The following CHL1 variants were observed in gnomAD, a reference collection of about 807,000 sequenced individuals.
CHL1 encodes the protein cell adhesion molecule L1 like, also known as neural cell adhesion molecule L1-like protein.
In CHL1, 96 loss-of-function variants were observed where a neutral mutation model predicts 141.9. The observed-to-expected ratio is 0.68, with a 90% CI of 0.57 to 0.80. The LOEUF is 0.80. CHL1 is among the 30% of genes least tolerant of loss of function. The pLI is 0.00. For synonymous variants in CHL1, 613 were observed against 502.2 expected, an observed-to-expected ratio of 1.22 and a Z score of -2.95; for missense variants, 1,820 against 1,457.2, an observed-to-expected ratio of 1.25 and a Z score of -4.05.
intron 2 of CHL1, among the ~76,000 whole-genome samples, chr3:304,671 T>A (rs139018102): frequency 1.6e-4 from 24 of 152,302 alleles, no homozygotes; most frequent in African/African-American, 5.8e-4. Flanking sequence ...AACTATTTTG[T>A]TGAGTTTTTC....
At chr3:253,558 T>G (rs1020790464) in intron 2 of CHL1, among the ~76,000 whole-genome samples, 1 of 152,198 alleles carries the variant, frequency 6.6e-6, no homozygotes, top group Non-Finnish European at 1.5e-5. Flanking sequence ...TAGTTTGATT[T>G]GGGTTCCTGT....
intron 2 of CHL1, among the ~76,000 whole-genome samples, chr3:315,420 A>G (rs1424512522): frequency 6.6e-6 from 1 of 152,160 alleles, no homozygotes. Context: ...AGTAGAATGG[A>G]CAAAGACTTA....
At chr3:278,803 A>C (rs1347108347) in intron 2 of CHL1, among the ~76,000 whole-genome samples, 1 of 152,230 alleles carries the variant, frequency 6.6e-6, no homozygotes, top group Non-Finnish European at 1.5e-5. Flanking sequence ...GGCAGTCTGC[A>C]CATCTCACAC....
chr3:360,104 G>T lies in CHL1; in HGVS notation c.1166-180G>T, dbSNP rs139741160. Among the ~76,000 whole-genome samples the T allele has an allele frequency of 1.1e-4, 16 of 152,270 alleles. 1 individual carries two copies. Among genetic ancestry groups the T allele is most frequent in the African/African-American group, 3.9e-4 (16 of 41,554 alleles). On this transcript the variant is annotated intron_variant, in intron 11 of 27. Coordinates refer to ENST00000256509, the MANE Select transcript of CHL1 (RefSeq NM_006614.4). ...TGAAAGATAATTGAAAATTCACATG[G>T]ATCTGGAAAGAAAAGTCCATAGTTG...
At chr3:297,690 T>A (rs1698320186) in intron 2 of CHL1, among the ~76,000 whole-genome samples, 1 of 152,238 alleles carries the variant, frequency 6.6e-6, no homozygotes, top group African/African-American at 2.4e-5. Flanking sequence ...AAATACCATT[T>A]GGCTGCTACT....
chr3:241,258 A>G lies in CHL1; in HGVS notation c.-174-3355A>G, dbSNP rs534896640. Among the ~76,000 whole-genome samples, 24 of 152,324 alleles carry G rather than the reference A, an allele frequency of 1.6e-4. No individual in the cohort carries two copies. The South Asian group carries it at 2.7e-3, about 17-fold the overall frequency. On this transcript the variant is annotated intron_variant, in intron 1 of 27. Transcript: ENST00000256509. Reference sequence around the variant, plus strand: ...TAGAAAGGAGTCATGTCATAAAATGACATGTCTCAAAATGTCTTGTGAAGC... The same window carrying G: ...TAGAAAGGAGTCATGTCATAAAATGGCATGTCTCAAAATGTCTTGTGAAGC...
At chr3:377,739 T>C in intron 15 of CHL1, 79 bp from the exon 16 acceptor site, 1 of 1,238,114 alleles carries the variant, frequency 8.1e-7, no homozygotes, top group East Asian at 2.4e-5. Context: ...CGATAAGGAA[T>C]ATGCATTTTT....
chr3:321,090 C>T (rs1361940325), intron 3 of CHL1, among the ~76,000 whole-genome samples: 1 of 152,038 alleles, frequency 6.6e-6, no homozygotes. Flanking sequence ...AAGGAAACAA[C>T]TCTCTGACTA....
chr3:386,113 A>G (rs968594761), intron 19 of CHL1, among the ~76,000 whole-genome samples: 6 of 151,956 alleles, frequency 3.9e-5, no homozygotes, highest in Admixed American at 3.3e-4. Flanking sequence ...CAGTTTCACA[A>G]TCAGATAGTA....
chr3:388,266 G>T (rs1707917970), intron 19 of CHL1, among the ~76,000 whole-genome samples: 1 of 152,218 alleles, frequency 6.6e-6, no homozygotes, highest in African/African-American at 2.4e-5. Context: ...TATTCCTCCA[G>T]GCTGGGTGCT....
chr3:328,192 C>T lies in CHL1; in HGVS notation c.223C>T (p.Pro75Ser), dbSNP rs954598804. 5.0e-6 allele frequency: 8 copies of T among 1,604,064 alleles called. No individual in the cohort carries two copies. Among genetic ancestry groups the T allele is most frequent in the East Asian group, 2.2e-5 (1 of 44,572 alleles). The change falls in exon 5 of 28, where the codon CCT becomes TCT. Residue 75 changes from proline to serine, a missense_variant. Transcript: ENST00000256509. ...ATTTTCGTGGACTAAGGATGGCAACCCTTTTTATTTCACTGACCATCGGAT... is the reference window on the plus strand; with the variant it reads ...ATTTTCGTGGACTAAGGATGGCAACTCTTTTTATTTCACTGACCATCGGAT... Reference protein sequence around the residue: ...PTFSWTKDGNPFYFTDHRIIP... With the variant: ...PTFSWTKDGNSFYFTDHRIIP...
At chr3:223,519 A>C (rs753724776) in intron 1 of CHL1, among the ~76,000 whole-genome samples, 1 of 152,190 alleles carries the variant, frequency 6.6e-6, no homozygotes, top group Non-Finnish European at 1.5e-5. Flanking sequence ...TTATTAAATA[A>C]ATTATTATTT....
intron 5 of CHL1, among the ~76,000 whole-genome samples, chr3:330,974 C>T (rs1701390867): frequency 6.6e-6 from 1 of 151,962 alleles, no homozygotes; most frequent in Admixed American, 6.6e-5. Context: ...TCTCTCTCCC[C>T]CACTCTCTTT....
chr3:264,325 T>A (rs1694984057), intron 2 of CHL1, among the ~76,000 whole-genome samples: 2 of 152,166 alleles, frequency 1.3e-5, no homozygotes, highest in Non-Finnish European at 2.9e-5. Flanking sequence ...AATTTATAGA[T>A]CCTCTATTCT....
intron 15 of CHL1, among the ~76,000 whole-genome samples, chr3:369,757 T>G (rs970581291): frequency 3.9e-4 from 59 of 152,210 alleles, no homozygotes; most frequent in African/African-American, 1.4e-3. Context: ...CTCTTATTAT[T>G]TTGAGATGTG....
chr3:224,905 G>A (rs1368965105), intron 1 of CHL1, among the ~76,000 whole-genome samples: 1 of 151,482 alleles, frequency 6.6e-6, no homozygotes, highest in Non-Finnish European at 1.5e-5. Context: ...GGAGGCTGAG[G>A]CGTGCAGATC....
chr3:377,565 A>G (rs1010644384), intron 15 of CHL1, among the ~76,000 whole-genome samples: 1 of 152,218 alleles, frequency 6.6e-6, no homozygotes, highest in Non-Finnish European at 1.5e-5. Context: ...TCACTGACCC[A>G]TGCAAACAGA....
At chr3:214,728 T>G (rs1700167535) in intron 1 of CHL1, among the ~76,000 whole-genome samples, 1 of 152,212 alleles carries the variant, frequency 6.6e-6, no homozygotes, top group Non-Finnish European at 1.5e-5. Flanking sequence ...ATTTTTCACT[T>G]ATATCTACAA....
rs1353648255 is a variant in CHL1 at position 405,788 on chromosome 3, A to C, written c.*77A>C. 1 of 1,030,232 alleles carries C rather than the reference A, an allele frequency of 9.7e-7. No homozygotes were observed. The highest frequency in any genetic ancestry group is 1.5e-6 in the Non-Finnish European group (1 of 675,996). The allele number at this position is 1,030,232 out of a possible 1,614,324, so 63.8% of individuals were successfully genotyped here. On this transcript the variant is annotated 3_prime_UTR_variant, in exon 28 of 28. Coordinates refer to ENST00000256509, the MANE Select transcript of CHL1 (RefSeq NM_006614.4). Reference sequence around the variant, plus strand: ...TCTGTTCAAAGGAGCAAGAACTTTCATATAGGAATAGAAACATGCTGGCCG... The same window carrying C: ...TCTGTTCAAAGGAGCAAGAACTTTCCTATAGGAATAGAAACATGCTGGCCG...
Sources: gnomAD v4.1 joint callset for allele counts (sites outside exome capture counted in the v4.1 genomes callset) on GRCh38, gnomAD v4.1.1 for gene constraint, MANE v1.5 for transcripts, NCBI Gene and HGNC (gene_info 2026-07-23, HGNC 2026-07-21) for gene names.